The following ZNG1E variants were observed in gnomAD, a reference collection of about 807,000 sequenced individuals.
The protein encoded by ZNG1E is zinc-regulated GTPase metalloprotein activator 1E.
At chr9:65,691,591 A>T in the ZNG1E span, among the ~76,000 whole-genome samples, 19 of 152,374 alleles carry the variant, frequency 1.2e-4, no homozygotes, top group Admixed American at 5.9e-4. Flanking sequence ...TTTAAAAAAA[A>T]CAATGCTTTG....
chr9:65,714,710 G>GGGGGTCA, the ZNG1E span, among the ~76,000 whole-genome samples: 8 of 151,630 alleles, frequency 5.3e-5, no homozygotes, highest in African/African-American at 1.9e-4. Context: ...TGACCTCCCA[G>GGGGGTCA]GGGGTCAGGG....
the ZNG1E span, among the ~76,000 whole-genome samples, chr9:65,678,435 T>TA: frequency 6.4e-5 from 9 of 140,386 alleles, no homozygotes; most frequent in African/African-American, 2.2e-4. Context: ...AAGATCTAGT[T>TA]ATATACTAGA....
At chr9:65,707,690 GAA>G in the ZNG1E span, 1 of 93,222 alleles carries the variant, frequency 1.1e-5, no homozygotes, top group African/African-American at 5.0e-5. Flanking sequence ...GTGCATTAAA[GAA>G]AAAAAAATCT....
At chr9:65,706,819 G>A in the ZNG1E span, 4 of 147,688 alleles carry the variant, frequency 2.7e-5, no homozygotes, top group East Asian at 5.9e-4. Context: ...TATTCTCAAG[G>A]ACACTGTCAT....
the ZNG1E span, among the ~76,000 whole-genome samples, chr9:65,667,912 C>G: frequency 7.3e-6 from 1 of 137,498 alleles, no homozygotes; most frequent in African/African-American, 2.7e-5. Context: ...AAGAGAATTG[C>G]CTGAACCTTG....
the ZNG1E span, chr9:65,707,867 T>C: frequency 1.4e-5 from 2 of 142,318 alleles, no homozygotes; most frequent in South Asian, 2.3e-4. Context: ...TTCTTTTTTT[T>C]TTTTTTTCTT....
At chr9:65,694,450 G>A in the ZNG1E span, among the ~76,000 whole-genome samples, 15 of 151,306 alleles carry the variant, frequency 9.9e-5, no homozygotes, top group Non-Finnish European at 1.3e-4. Flanking sequence ...AAAAAACAAA[G>A]CAACATTCTG....
At chr9:65,684,991 A>G in the ZNG1E span, among the ~76,000 whole-genome samples, 6 of 150,986 alleles carry the variant, frequency 4.0e-5, no homozygotes, top group Admixed American at 1.3e-4. Context: ...GCAGTGAGTC[A>G]TGATTGCACC....
At chr9:65,684,533 TACAC>T in the ZNG1E span, among the ~76,000 whole-genome samples, 458 of 90,186 alleles carry the variant, frequency 5.1e-3, no homozygotes, top group Non-Finnish European at 9.1e-3. Context: ...CAAGACTGTA[TACAC>T]ACACACACGC....
the ZNG1E span, among the ~76,000 whole-genome samples, chr9:65,712,752 G>A: frequency 3.9e-5 from 3 of 77,206 alleles, no homozygotes; most frequent in African/African-American, 1.2e-4. Flanking sequence ...TTTTACATTT[G>A]CTGAGGAGAG....
the ZNG1E span, among the ~76,000 whole-genome samples, chr9:65,667,179 C>A: frequency 2.6e-5 from 4 of 152,224 alleles, no homozygotes; most frequent in African/African-American, 9.6e-5. Context: ...CACAAACCAG[C>A]ACTATTATCA....
the ZNG1E span, among the ~76,000 whole-genome samples, chr9:65,709,919 G>A: frequency 1.6e-4 from 24 of 151,770 alleles, no homozygotes; most frequent in African/African-American, 4.6e-4. Context: ...GATCCCTGAG[G>A]AATCACCACA....
chr9:65,712,748 A>G, the ZNG1E span, among the ~76,000 whole-genome samples: 86 of 88,660 alleles, frequency 9.7e-4, no homozygotes, highest in African/African-American at 4.2e-3. Flanking sequence ...GTTCTTTTAC[A>G]TTTGCTGAGG....
chr9:65,675,441 T>C, the ZNG1E span, among the ~76,000 whole-genome samples: 1 of 150,848 alleles, frequency 6.6e-6, no homozygotes, highest in African/African-American at 2.5e-5. Flanking sequence ...GAAAAAATTG[T>C]CACTGGTTAT....
chr9:65,687,794 C>CT, the ZNG1E span, among the ~76,000 whole-genome samples: 298 of 129,388 alleles, frequency 2.3e-3, no homozygotes, highest in Non-Finnish European at 4.0e-3. Flanking sequence ...CTTGAAGGCA[C>CT]TTTTTTTTTT....
At chr9:65,684,546 GCACGCACACACACA>G in the ZNG1E span, among the ~76,000 whole-genome samples, 1,386 of 139,482 alleles carry the variant, frequency 9.9e-3, 1 homozygote, top group East Asian at 0.036. Flanking sequence ...ACACACACAC[GCACGCACACACACA>G]CACACACACA....
chr9:65,694,002 TG>T, the ZNG1E span, among the ~76,000 whole-genome samples: 4 of 149,774 alleles, frequency 2.7e-5, no homozygotes, highest in Non-Finnish European at 4.5e-5. Flanking sequence ...TGCCCTAATT[TG>T]AAAAGTTTGG....
the ZNG1E span, among the ~76,000 whole-genome samples, chr9:65,687,871 T>G: frequency 0.023 from 3,492 of 150,154 alleles, 3 homozygotes; most frequent in African/African-American, 0.08. Context: ...ACAAGGTATA[T>G]CTAAGTGTCA....
At chr9:65,681,546 A>G in the ZNG1E span, 4 of 1,536,418 alleles carry the variant, frequency 2.6e-6, no homozygotes, top group Admixed American at 4.3e-5. Flanking sequence ...GACATAAGCT[A>G]AAGAGTGCTG....
Sources: gnomAD v4.1 joint callset for allele counts (sites outside exome capture counted in the v4.1 genomes callset) on GRCh38, gnomAD v4.1.1 for gene constraint, MANE v1.5 for transcripts, NCBI Gene and HGNC (gene_info 2026-07-23, HGNC 2026-07-21) for gene names.